Variants in LAMC1 observed in about 807,000 individuals in gnomAD.
The protein encoded by LAMC1 is laminin subunit gamma 1, also known as laminin subunit gamma-1.
A neutral mutation model predicts 173.6 loss-of-function variants in LAMC1; 38 were observed. The ratio of observed to expected loss-of-function variants is 0.22; its 90% confidence interval spans 0.17 to 0.29. The LOEUF (loss-of-function observed/expected upper bound fraction) is 0.29, where lower values mean the gene tolerates loss of function less well. Ranked by LOEUF, LAMC1 falls within the 10% of genes least tolerant of loss-of-function variation. The probability of loss-of-function intolerance (pLI) is 1.00; values close to 1 mark genes in which losing one functional copy is unlikely to be tolerated. For synonymous variants in LAMC1, 746 were observed against 749.1 expected (o/e 1.00, Z 0.07); for missense variants, 1,824 against 2,051.8 (o/e 0.89, Z 2.14).
chr1:183,031,703 G>A (rs1262021980), intron 1 of LAMC1, among the ~76,000 whole-genome samples: 3 of 152,118 alleles, frequency 2.0e-5, no homozygotes, highest in African/African-American at 7.2e-5. Flanking sequence ...TTAGAGCAGA[G>A]CTGTTTGTTT....
At chr1:183,119,434 T>C (rs891573109) in intron 11 of LAMC1, among the ~76,000 whole-genome samples, 4 of 152,134 alleles carry the variant, frequency 2.6e-5, no homozygotes, top group African/African-American at 9.7e-5. Flanking sequence ...ATTTAGAAGG[T>C]TGTCAACATA....
chr1:183,125,214 T>G, intron 14 of LAMC1, 183 bp from the exon 15 acceptor site: 1 of 632,942 alleles, frequency 1.6e-6, no homozygotes, highest in Non-Finnish European at 2.8e-6. Context: ...CCAGTGTGTA[T>G]CTCACGTTTA....
chr1:183,105,652 T>C (rs547373232), intron 2 of LAMC1, among the ~76,000 whole-genome samples: 1 of 151,924 alleles, frequency 6.6e-6, no homozygotes, highest in Non-Finnish European at 1.5e-5. Context: ...AAAAATGCTG[T>C]GGGCATCTGC....
chr1:183,132,949 C>A (rs1214751006), intron 21 of LAMC1, among the ~76,000 whole-genome samples: 9 of 152,022 alleles, frequency 5.9e-5, no homozygotes, highest in African/African-American at 1.9e-4. Flanking sequence ...TCACTCTTGT[C>A]CCCCAGGCTA....
intron 11 of LAMC1, among the ~76,000 whole-genome samples, chr1:183,120,334 T>C (rs1656437531): frequency 2.0e-5 from 3 of 152,088 alleles, no homozygotes. Context: ...AGGAACAAGA[T>C]TGAAGAAAGT....
chr1:183,090,662 A>G (rs1437955536), intron 1 of LAMC1, among the ~76,000 whole-genome samples: 2 of 152,186 alleles, frequency 1.3e-5, no homozygotes, highest in South Asian at 2.1e-4. Context: ...GTTCTTGTAG[A>G]TATCTAAATG....
Position 183,134,824 on chromosome 1 carries a change from C to G in LAMC1, c.3999+15C>G. On this transcript the variant is annotated intron_variant, in intron 23 of 27. Coordinates refer to ENST00000258341, the MANE Select transcript of LAMC1 (RefSeq NM_002293.4). ...CTGAACAGCAGGTTGGTTTGATTTG[C>G]AGGTCGCTTCATTTCTTGAGGCAAC... is the stretch of plus-strand genomic sequence containing the variant. 2 of 1,607,696 alleles carry G rather than the reference C, an allele frequency of 1.2e-6. No individual in the cohort carries two copies. Among genetic ancestry groups the G allele is most frequent in the Non-Finnish European group, 1.7e-6 (2 of 1,178,142 alleles).
rs941777954 is a variant in LAMC1, at chr1:183,142,964, C to T, written c.*174C>T. On this transcript the variant is annotated 3_prime_UTR_variant, in exon 28 of 28. Coordinates refer to ENST00000258341, the MANE Select transcript of LAMC1 (RefSeq NM_002293.4). Reference sequence around the variant, plus strand: ...TTTAAAGAGAAGCAAATTAAACATCCTGAATCGGGAACAAAGGGTTTTATC... The same window carrying T: ...TTTAAAGAGAAGCAAATTAAACATCTTGAATCGGGAACAAAGGGTTTTATC... 3 of 640,344 alleles carry T rather than the reference C, an allele frequency of 4.7e-6. No homozygotes were observed. The African/African-American group carries it at 5.5e-5, about 12-fold the overall frequency. 39.7% of individuals were successfully genotyped at this position (640,344 alleles called of 1,614,324 possible).
At chr1:183,120,468 G>A (rs1656440830) in intron 11 of LAMC1, among the ~76,000 whole-genome samples, 1 of 152,152 alleles carries the variant, frequency 6.6e-6, no homozygotes, top group Non-Finnish European at 1.5e-5. Flanking sequence ...TACATTTAGG[G>A]TAGTAATGGA....
At chr1:183,059,027 T>C (rs1233301595) in intron 1 of LAMC1, among the ~76,000 whole-genome samples, 1 of 152,250 alleles carries the variant, frequency 6.6e-6, no homozygotes, top group Non-Finnish European at 1.5e-5. Flanking sequence ...GACTATGATA[T>C]GACAGGCTCT....
intron 1 of LAMC1, among the ~76,000 whole-genome samples, chr1:183,046,297 A>G (rs143774639): frequency 6.6e-6 from 1 of 152,164 alleles, no homozygotes; most frequent in African/African-American, 2.4e-5. Flanking sequence ...TATTTTAGAA[A>G]TATCTTAGCT....
chr1:183,072,392 C>G (rs1286330965), intron 1 of LAMC1, among the ~76,000 whole-genome samples: 2 of 152,158 alleles, frequency 1.3e-5, no homozygotes, highest in African/African-American at 4.8e-5. Flanking sequence ...TCCTTAGAGG[C>G]CAGCTTCATA....
chr1:183,088,184 T>C (rs1655480489), intron 1 of LAMC1, among the ~76,000 whole-genome samples: 1 of 152,250 alleles, frequency 6.6e-6, no homozygotes, highest in African/African-American at 2.4e-5. Context: ...TTTTAAAATA[T>C]GGAAGAAAGC....
In LAMC1 at chr1:183,055,243, G is replaced by A. The variant is rs550286768; in HGVS notation, c.418+31109G>A. On this transcript the variant is annotated intron_variant, in intron 1 of 27. Coordinates refer to ENST00000258341, the MANE Select transcript of LAMC1 (RefSeq NM_002293.4). Reference sequence around the variant, plus strand: ...GACCTCAGGTGATCCACCTGCCTTGGCCTCCGGAAGTGCTGGGATTACAGG... The same window carrying A: ...GACCTCAGGTGATCCACCTGCCTTGACCTCCGGAAGTGCTGGGATTACAGG... Among the ~76,000 whole-genome samples, 20 of 151,936 alleles carry A rather than the reference G, an allele frequency of 1.3e-4. 1 individual carries two copies. The highest frequency in any genetic ancestry group is 3.9e-4 in the Admixed American group (6 of 15,274).
At chr1:183,070,986 C>T (rs1654996168) in intron 1 of LAMC1, among the ~76,000 whole-genome samples, 1 of 152,166 alleles carries the variant, frequency 6.6e-6, no homozygotes, top group Admixed American at 6.5e-5. Context: ...TGTTTCATCA[C>T]AGCCTGCCAC....
chr1:183,075,492 A>G (rs1229035142), intron 1 of LAMC1, among the ~76,000 whole-genome samples: 1 of 152,194 alleles, frequency 6.6e-6, no homozygotes, highest in Admixed American at 6.5e-5. Context: ...ACTTTGATTA[A>G]GCATGCTAGT....
At chr1:183,142,404 C>T in intron 27 of LAMC1, 130 bp from the exon 28 acceptor site, 1 of 900,256 alleles carries the variant, frequency 1.1e-6, no homozygotes, top group East Asian at 2.5e-5. Context: ...CAACAATCTG[C>T]AAGTCACATT....
At chr1:183,114,283 C>T (rs1053888961) in intron 4 of LAMC1, among the ~76,000 whole-genome samples, 1 of 152,166 alleles carries the variant, frequency 6.6e-6, no homozygotes, top group Non-Finnish European at 1.5e-5. Flanking sequence ...GTTGGCCAGG[C>T]TGGTCTCAAA....
intron 1 of LAMC1, among the ~76,000 whole-genome samples, chr1:183,053,872 C>T (rs563442464): frequency 5.3e-5 from 8 of 152,212 alleles, no homozygotes; most frequent in South Asian, 2.1e-4. Context: ...GCAATCCACC[C>T]GCCTCGGCCT....
Sources: gnomAD v4.1 joint callset for allele counts (sites outside exome capture counted in the v4.1 genomes callset) on GRCh38, gnomAD v4.1.1 for gene constraint, MANE v1.5 for transcripts, NCBI Gene and HGNC (gene_info 2026-07-23, HGNC 2026-07-21) for gene names.